SHANK2: variants seen among roughly 807,000 people sequenced by gnomAD.
SHANK2 encodes SH3 and multiple ankyrin repeat domains 2.
SHANK2 carries 43 observed loss-of-function variants against 133.7 expected under a neutral mutation model. The observed-to-expected ratio is 0.32, with a 90% CI of 0.25 to 0.41. SHANK2 has a LOEUF of 0.41. SHANK2 is among the 10% of genes least tolerant of loss of function. The probability of loss-of-function intolerance (pLI) is 1.00; values close to 1 mark genes in which losing one functional copy is unlikely to be tolerated. For synonymous variants in SHANK2, 1,017 were observed against 952.8 expected (o/e 1.07, Z -1.24); for missense variants, 1,994 against 2,235.8 (o/e 0.89, Z 2.18).
intron 14 of SHANK2, among the ~76,000 whole-genome samples, chr11:70,746,308 C>G (rs1268207973): frequency 1.6e-3 from 189 of 115,008 alleles, no homozygotes; most frequent in South Asian, 2.4e-3. Flanking sequence ...GGGATGCGGG[C>G]TGCCCCATGC....
rs558924309 is a variant in SHANK2 at position 70,569,841 on chromosome 11, C to T, written c.2062-66910G>A. ...CCTCAGCCCGGGAAAAGGCTGAGGCCGGCACAAAGAAGCAAGGGCAGGAGG... is the reference window on the plus strand; with the variant it reads ...CCTCAGCCCGGGAAAAGGCTGAGGCTGGCACAAAGAAGCAAGGGCAGGAGG... On this transcript the variant is annotated intron_variant, in intron 17 of 25. Transcript: ENST00000601538. This position sits in a 1 kb window ranked among gnomAD's most constrained non-coding sequence, Gnocchi z 5.1. Among the ~76,000 whole-genome samples, 32 of 151,954 alleles carry T rather than the reference C, an allele frequency of 2.1e-4. No individual in the cohort carries two copies. Among genetic ancestry groups the T allele is most frequent in the Non-Finnish European group, 3.8e-4 (26 of 68,012 alleles).
intron 2 of SHANK2, among the ~76,000 whole-genome samples, chr11:71,214,715 G>A (rs923205973): frequency 7.2e-5 from 11 of 152,110 alleles, no homozygotes; most frequent in Middle Eastern, 3.2e-3. Flanking sequence ...CATCTGTCGC[G>A]TGCCACCCCG....
At chr11:70,547,953 A>G (rs1471826610) in intron 17 of SHANK2, among the ~76,000 whole-genome samples, 1 of 152,254 alleles carries the variant, frequency 6.6e-6, no homozygotes, top group African/African-American at 2.4e-5. Context: ...TAGAACCGGA[A>G]ACATCCTGTC....
At chr11:70,524,375 T>A in intron 17 of SHANK2, among the ~76,000 whole-genome samples, 1 of 152,324 alleles carries the variant, frequency 6.6e-6, no homozygotes, top group African/African-American at 2.4e-5. Flanking sequence ...TATCTTCAAC[T>A]TAATCTGGTG....
chr11:70,588,129 G>T (rs563946473), intron 17 of SHANK2, among the ~76,000 whole-genome samples: 1 of 152,190 alleles, frequency 6.6e-6, no homozygotes, highest in East Asian at 1.9e-4. Context: ...CTGGTCCATC[G>T]TCTCTTCCCA....
At chr11:71,184,088 T>C (rs1350280446) in intron 2 of SHANK2, among the ~76,000 whole-genome samples, 1 of 152,128 alleles carries the variant, frequency 6.6e-6, no homozygotes, top group African/African-American at 2.4e-5. Flanking sequence ...TCTCTTGAGA[T>C]TACCGACTGG....
intron 2 of SHANK2, among the ~76,000 whole-genome samples, chr11:71,153,686 G>A (rs1952846575): frequency 6.6e-6 from 1 of 152,232 alleles, no homozygotes; most frequent in Non-Finnish European, 1.5e-5. Flanking sequence ...CAAGAGTTCA[G>A]CCGGGTGCAG....
intron 9 of SHANK2, among the ~76,000 whole-genome samples, chr11:71,058,800 C>T (rs950141984): frequency 0.24 from 35,783 of 152,264 alleles, 5,067 homozygotes; most frequent in East Asian, 0.33. Flanking sequence ...GGCTTCCCAC[C>T]CACGACAGGT....
At chr11:70,853,093 C>T (rs1434976127) in intron 11 of SHANK2, among the ~76,000 whole-genome samples, 2 of 152,246 alleles carry the variant, frequency 1.3e-5, no homozygotes, top group Admixed American at 6.5e-5. Context: ...ACCTTCAGTG[C>T]CTGGCATTGG....
chr11:71,062,100 C>T (rs1037638866), intron 9 of SHANK2, among the ~76,000 whole-genome samples: 18 of 150,666 alleles, frequency 1.2e-4, no homozygotes, highest in Non-Finnish European at 2.5e-4. Context: ...GGATTACAGG[C>T]GCACGCCACC....
intron 17 of SHANK2, among the ~76,000 whole-genome samples, chr11:70,637,076 CGTGTGTGTGCAT>C (rs1384418535): frequency 3.9e-5 from 2 of 51,518 alleles, no homozygotes; most frequent in Admixed American, 3.6e-4. Context: ...TGTGTGTGCA[CGTGTGTGTGCAT>C]GTGTATGGGT....
At position 70,500,632 on chromosome 11, in the gene SHANK2, A is replaced by G; in HGVS notation, c.2288-42T>C. On this transcript the variant is annotated intron_variant, in intron 20 of 25. Coordinates refer to ENST00000601538, the MANE Select transcript of SHANK2 (RefSeq NM_012309.5). This position sits in a 1 kb window ranked among gnomAD's most constrained non-coding sequence, Gnocchi z 4.5. ...GGACCGCCATGAGCCACCAGGATGC[A>G]GCGCCCGCCCGCAGCCTACACTCGG... The G allele has an allele frequency of 1.3e-6, 2 of 1,589,612 alleles. No individual in the cohort carries two copies. The highest frequency in any genetic ancestry group is 2.3e-5 in the East Asian group (1 of 43,534).
At chr11:70,817,189 C>T (rs1555054581) in intron 12 of SHANK2, among the ~76,000 whole-genome samples, 2 of 152,208 alleles carry the variant, frequency 1.3e-5, no homozygotes, top group Admixed American at 6.5e-5. Flanking sequence ...GGCAAATGCT[C>T]ACCACTGCTG....
chr11:71,079,552 A>T (rs895261189), intron 8 of SHANK2, among the ~76,000 whole-genome samples: 3 of 152,062 alleles, frequency 2.0e-5, no homozygotes, highest in African/African-American at 7.2e-5. Context: ...CGAGGTCAGG[A>T]GATCGAGACC....
At chr11:71,073,147 C>CTTTCTTTTTTTTTTTTTTTTTTT (rs1951166746) in intron 9 of SHANK2, among the ~76,000 whole-genome samples, 2 of 62,758 alleles carry the variant, frequency 3.2e-5, no homozygotes, top group Admixed American at 1.6e-4. Flanking sequence ...TTTTTCTTTT[C>CTTTCTTTTTTTTTTTTTTTTTTT]TTTTTTTTCT....
At chr11:70,521,473 C>T (rs1283890054) in intron 17 of SHANK2, among the ~76,000 whole-genome samples, 2 of 152,288 alleles carry the variant, frequency 1.3e-5, no homozygotes, top group African/African-American at 2.4e-5. Context: ...TTTACAATTA[C>T]GTGAAATATT....
At chr11:70,656,638 C>T (rs1171768427) in intron 17 of SHANK2, among the ~76,000 whole-genome samples, 1 of 152,162 alleles carries the variant, frequency 6.6e-6, no homozygotes, top group African/African-American at 2.4e-5. Flanking sequence ...GCAAATCGCA[C>T]CATCCATGGG....
intron 21 of SHANK2, among the ~76,000 whole-genome samples, chr11:70,498,124 TCAGTTCTCAAC>T (rs1294178061): frequency 6.6e-6 from 1 of 152,244 alleles, no homozygotes; most frequent in Non-Finnish European, 1.5e-5. Context: ...AGGGACCCTG[TCAGTTCTCAAC>T]CACTGCTCTC....
At position 70,842,503 on chromosome 11, in the gene SHANK2, G is replaced by T. The variant is rs1289220493; in HGVS notation, c.1175-21821C>A. 2.6e-5 allele frequency among the ~76,000 whole-genome samples: 4 copies of T among 152,300 alleles called. No homozygotes were observed. The East Asian group carries it at 7.7e-4, about 29-fold the overall frequency. On this transcript the variant is annotated intron_variant, in intron 11 of 25. Transcript: ENST00000601538. ...CTCCATGTGCAAATGGTGTTCTAGG[G>T]CCCTCTCTGCACTTGTCCCTTTCAG...
Sources: gnomAD v4.1 joint callset for allele counts (sites outside exome capture counted in the v4.1 genomes callset) on GRCh38, gnomAD v4.1.1 for gene constraint, Gnocchi (gnomAD v3.1) non-coding constraint, MANE v1.5 for transcripts, NCBI Gene and HGNC (gene_info 2026-07-23, HGNC 2026-07-21) for gene names.